RANBP1: variants seen among roughly 807,000 people sequenced by gnomAD.
RANBP1 encodes the protein RAN binding protein 1.
A neutral mutation model predicts 31.4 loss-of-function variants in RANBP1; 16 were observed. That is an observed-to-expected ratio of 0.51 (90% CI 0.34 to 0.77). The LOEUF is 0.77. Ranked by LOEUF, RANBP1 falls within the 30% of genes least tolerant of loss-of-function variation. RANBP1 has a pLI of 0.01. For synonymous variants in RANBP1, 129 were observed against 140.5 expected (o/e 0.92, Z 0.58); for missense variants, 265 against 362.0 (o/e 0.73, Z 2.17).
At chr22:20,117,135 A>C (rs965191720) in intron 1 of RANBP1, 1 of 578,630 alleles carries the variant, frequency 1.7e-6, no homozygotes, top group Non-Finnish European at 2.8e-6. Context: ...TTGGGGCTGT[A>C]CCGCCCGCCC....
chr22:20,117,862 T>G, intron 1 of RANBP1: 1 of 1,012,286 alleles, frequency 9.9e-7, no homozygotes, highest in Non-Finnish European at 1.2e-6. Context: ...CGTTTGGGGG[T>G]GCAGGCTCTG....
At chr22:20,118,372 A>T (rs2050095100) in intron 1 of RANBP1, 1 of 996,962 alleles carries the variant, frequency 1.0e-6, no homozygotes, top group East Asian at 1.1e-4. Flanking sequence ...CTTATCCTCT[A>T]AATTGGGCCA....
At position 20,125,315 on chromosome 22, in the gene RANBP1, G is replaced by A. The variant is rs564015023; in HGVS notation, c.549G>A (p.Pro183=). The change falls in exon 4 of 6, where the codon CCG becomes CCA. Residue 183 remains proline, a synonymous_variant. Transcript: ENST00000430524. ...LKICANHYIT[P]MMELKPNAGS... Reference sequence around the variant, plus strand: ...GAGCTTCTCTCTCTTCAGTCACGCCGATGATGGAGCTGAAGCCCAACGCAG... The same window carrying A: ...GAGCTTCTCTCTCTTCAGTCACGCCAATGATGGAGCTGAAGCCCAACGCAG... The A allele has an allele frequency of 2.0e-5, 32 of 1,611,426 alleles. No homozygotes were observed. Among genetic ancestry groups the A allele is most frequent in the East Asian group, 6.7e-5 (3 of 44,886 alleles).
intron 1 of RANBP1, chr22:20,116,802 T>G: frequency 7.3e-7 from 1 of 1,374,852 alleles, no homozygotes; most frequent in Non-Finnish European, 9.8e-7. Flanking sequence ...CGTCCCCACC[T>G]ATTCTCTGGC....
At chr22:20,116,586 GCC>G in intron 1 of RANBP1, 156 bp downstream of exon 1, 1 of 1,557,444 alleles carries the variant, frequency 6.4e-7, no homozygotes, top group Non-Finnish European at 8.6e-7. Flanking sequence ...TGCTCTCCTG[GCC>G]ACAGCTCTCC....
At chr22:20,117,575 C>A in intron 1 of RANBP1, 1 of 1,410,132 alleles carries the variant, frequency 7.1e-7, no homozygotes, top group Admixed American at 2.7e-5. Context: ...AGGGAAGGAG[C>A]TACGAGTAGC....
intron 1 of RANBP1, chr22:20,116,703 C>T (rs1329099746): frequency 4.8e-6 from 7 of 1,461,970 alleles, no homozygotes; most frequent in South Asian, 1.4e-5. Context: ...AGACCTCCGT[C>T]GGTGCACTCT....
At chr22:20,120,410 C>T (rs923966157) in intron 2 of RANBP1, among the ~76,000 whole-genome samples, 5 of 152,200 alleles carry the variant, frequency 3.3e-5, no homozygotes, top group African/African-American at 7.2e-5. Flanking sequence ...GGGAGGTGCT[C>T]CTGGTGGCCT....
intron 1 of RANBP1, chr22:20,117,965 T>G (rs1448276523): frequency 2.0e-6 from 2 of 1,003,934 alleles, no homozygotes; most frequent in African/African-American, 3.5e-5. Flanking sequence ...CTCCAGGAAC[T>G]GGTGCGGGCG....
Position 20,122,275 on chromosome 22 carries a change from T to C in RANBP1, c.395T>C (p.Leu132Pro). ...GGCTTTTCTTGCAGGCGGGCAAAAC[T>C]GTTCCGATTTGCCTCTGAGAACGAT... ...EEELFKMRAK[L>P]FRFASENDLP... Residue 132 changes from leucine to proline, a missense_variant, in exon 3 of 6, where the codon CTG becomes CCG. This residue lies in a region of RANBP1 where 90 missense variants were observed against 190.5 expected (regional missense o/e 0.47). Coordinates refer to ENST00000430524, the MANE Select transcript of RANBP1 (RefSeq NM_001278639.2). The C allele has an allele frequency of 6.2e-7, 1 of 1,612,820 alleles. No homozygotes were observed. Among genetic ancestry groups the C allele is most frequent in the Non-Finnish European group, 8.5e-7 (1 of 1,179,566 alleles).
At position 20,116,334 on chromosome 22, in the gene RANBP1, G is replaced by A. The variant is rs1221168186; in HGVS notation, c.150G>A (p.Leu50=). 3 of 1,612,878 alleles carry A rather than the reference G, an allele frequency of 1.9e-6. No individual in the cohort carries two copies. Among genetic ancestry groups the A allele is most frequent in the Non-Finnish European group, 2.5e-6 (3 of 1,180,026 alleles). ...AQGGCPKSLV[L]WGCRPKRPRK... ...GTGGTTGCCCAAAGAGTTTGGTTTT[G>A]TGGGGCTGCAGACCAAAGCGGCCCA... Residue 50 remains leucine, a synonymous_variant, in exon 1 of 6, where the codon TTG becomes TTA. Transcript: ENST00000430524.
intron 3 of RANBP1, among the ~76,000 whole-genome samples, chr22:20,123,834 G>A (rs1215865924): frequency 6.6e-6 from 1 of 152,070 alleles, no homozygotes; most frequent in African/African-American, 2.4e-5. Flanking sequence ...ATGTTTGGAA[G>A]TACACTTGTC....
At chr22:20,122,606 C>G in intron 3 of RANBP1, 185 bp downstream of exon 3, 1 of 1,528,612 alleles carries the variant, frequency 6.5e-7, no homozygotes, top group Non-Finnish European at 8.8e-7. Flanking sequence ...AGAGCAGGCC[C>G]GCAGCGAAGC....
chr22:20,123,904 G>A (rs1389562937), intron 3 of RANBP1, among the ~76,000 whole-genome samples: 3 of 152,076 alleles, frequency 2.0e-5, no homozygotes, highest in Non-Finnish European at 4.4e-5. Context: ...CGTGTCCGGC[G>A]GGGCAGGGTC....
intron 1 of RANBP1, chr22:20,117,472 G>C: frequency 2.5e-6 from 3 of 1,203,982 alleles, no homozygotes; most frequent in Non-Finnish European, 3.1e-6. Context: ...TTGAATCGCG[G>C]CGCGTTTCCC....
chr22:20,123,817 T>C (rs760969335), intron 3 of RANBP1, among the ~76,000 whole-genome samples: 107 of 152,110 alleles, frequency 7.0e-4, no homozygotes, highest in Non-Finnish European at 1.2e-3. Flanking sequence ...CTGCCCAGCT[T>C]GTTGGCATGT....
rs1266508330 is a variant in RANBP1, at chr22:20,122,119, C to T, written c.384-145C>T. The T allele has an allele frequency of 4.1e-5, 32 of 784,438 alleles. No homozygotes were observed. The South Asian group carries it at 4.4e-4, about 11-fold the overall frequency. 48.6% of individuals were successfully genotyped at this position (784,438 alleles called of 1,614,324 possible). Reference sequence around the variant, plus strand: ...GCTGCGCTTTCTGGTGGTGTTGTGACGGGCAGTTCTTGGAGCCTGAAGAAG... The same window carrying T: ...GCTGCGCTTTCTGGTGGTGTTGTGATGGGCAGTTCTTGGAGCCTGAAGAAG... On this transcript the variant is annotated intron_variant, in intron 2 of 5. Coordinates refer to ENST00000430524, the MANE Select transcript of RANBP1 (RefSeq NM_001278639.2).
chr22:20,121,807 C>T (rs2050176735), intron 2 of RANBP1, among the ~76,000 whole-genome samples: 1 of 150,754 alleles, frequency 6.6e-6, no homozygotes, highest in African/African-American at 2.4e-5. Context: ...GGGGCAATCT[C>T]CACTCACTGT....
intron 2 of RANBP1, 66 bp from the exon 3 acceptor site, chr22:20,122,198 C>T (rs1270074043): frequency 3.2e-6 from 5 of 1,558,400 alleles, no homozygotes; most frequent in Non-Finnish European, 4.4e-6. Context: ...TGTCCTGTGT[C>T]CTCCTGCGCA....
Sources: allele counts gnomAD v4.1 joint callset (sites outside exome capture counted in the v4.1 genomes callset), GRCh38; gene constraint gnomAD v4.1.1; regional missense constraint gnomAD v4.1.1; transcripts MANE v1.5; gene names NCBI Gene and HGNC (gene_info 2026-07-23, HGNC 2026-07-21).